The following MCTP2 variants were observed in gnomAD, a reference collection of about 807,000 sequenced individuals.
MCTP2 encodes multiple C2 and transmembrane domain containing 2.
MCTP2 carries 132 observed loss-of-function variants against 111.6 expected under a neutral mutation model. The ratio of observed to expected loss-of-function variants is 1.18; its 90% confidence interval spans 1.03 to 1.37. The LOEUF (loss-of-function observed/expected upper bound fraction) is 1.37, where lower values mean the gene tolerates loss of function less well. Ranked by LOEUF, MCTP2 falls within the 40% of genes most tolerant of loss-of-function variation. The pLI is 0.00. For synonymous variants in MCTP2, 395 were observed against 387.7 expected (o/e 1.02, Z -0.22); for missense variants, 1,183 against 1,067.9 (o/e 1.11, Z -1.50).
At chr15:94,440,337 G>A (rs1182133843) in intron 18 of MCTP2, 39 bp downstream of exon 18, 2 of 1,610,530 alleles carry the variant, frequency 1.2e-6, no homozygotes, top group Non-Finnish European at 1.7e-6. Flanking sequence ...TGACTGCCGA[G>A]AAATGTGTTA....
At chr15:94,249,807 C>G (rs2072282632) in intron 1 of MCTP2, among the ~76,000 whole-genome samples, 1 of 152,078 alleles carries the variant, frequency 6.6e-6, no homozygotes. Flanking sequence ...TTAATAACAG[C>G]TCTTCAGGTA....
At chr15:94,261,968 C>A (rs2073212025) in intron 1 of MCTP2, among the ~76,000 whole-genome samples, 1 of 152,034 alleles carries the variant, frequency 6.6e-6, no homozygotes, top group African/African-American at 2.4e-5. Context: ...ACATTAATTT[C>A]TTGTATATTG....
In MCTP2 at chr15:94,345,205, A is replaced by G. The variant is rs1567481222; in HGVS notation, c.1005+41A>G. ...TTTCCTTTAGATCATTTGGTTAAAAACTTTGTCTTTGTAGCAAACAAAAAT... is the reference window on the plus strand; with the variant it reads ...TTTCCTTTAGATCATTTGGTTAAAAGCTTTGTCTTTGTAGCAAACAAAAAT... On this transcript the variant is annotated intron_variant, in intron 8 of 22. Coordinates refer to ENST00000357742, the MANE Select transcript of MCTP2 (RefSeq NM_001385001.1). 3 of 1,587,728 alleles carry G rather than the reference A, an allele frequency of 1.9e-6. No homozygotes were observed. In the South Asian group the frequency reaches 3.4e-5, roughly 18 times the overall value.
At chr15:94,233,151 G>A (rs1460345111) in intron 1 of MCTP2, among the ~76,000 whole-genome samples, 1 of 152,090 alleles carries the variant, frequency 6.6e-6, no homozygotes, top group Non-Finnish European at 1.5e-5. Flanking sequence ...ATCTCCTGGG[G>A]ATTAATGGAG....
chr15:94,245,371 T>G (rs897279528), intron 1 of MCTP2, among the ~76,000 whole-genome samples: 7 of 136,878 alleles, frequency 5.1e-5, no homozygotes, highest in Admixed American at 4.5e-4. Flanking sequence ...TATATTTACA[T>G]ACATATGTAT....
intron 1 of MCTP2, among the ~76,000 whole-genome samples, chr15:94,289,711 A>C (rs759716954): frequency 9.9e-5 from 15 of 152,178 alleles, no homozygotes; most frequent in Non-Finnish European, 1.8e-4. Context: ...CTTATGTATT[A>C]TTATATTATG....
Position 94,442,923 on chromosome 15 carries a change from G to A in MCTP2, c.2213G>A (p.Ser738Asn). The change falls in exon 19 of 23, where the codon AGC (serine) becomes AAC (asparagine). Residue 738 changes from serine (S) to asparagine (N), a missense_variant. Coordinates refer to ENST00000357742, the MANE Select transcript of MCTP2 (RefSeq NM_001385001.1). The stretch of plus-strand genomic sequence containing the variant: ...ACACGTGGGATTTCCTTTCAGGAGA[G>A]CACAGACATAGATGACGAGGAGGAT... ...KVSSIQDSQE[S>N]TDIDDEEDED... is the part of the protein sequence containing the mutation. The A allele has an allele frequency of 6.2e-7, 1 of 1,613,282 alleles. No individual in the cohort carries two copies.
chr15:94,340,470 G>A (rs909296141), intron 6 of MCTP2, among the ~76,000 whole-genome samples, 195 bp downstream of exon 6: 4 of 152,112 alleles, frequency 2.6e-5, no homozygotes, highest in African/African-American at 7.2e-5. Context: ...TTAGTCAGAT[G>A]TTAAGTATTT....
intron 17 of MCTP2, among the ~76,000 whole-genome samples, chr15:94,422,835 C>G (rs1011445815): frequency 6.6e-6 from 1 of 152,110 alleles, no homozygotes; most frequent in South Asian, 2.1e-4. Context: ...TTCCTCCTTC[C>G]CACTAAACTA....
intron 1 of MCTP2, among the ~76,000 whole-genome samples, chr15:94,252,931 C>G (rs1166877644): frequency 6.6e-6 from 1 of 152,064 alleles, no homozygotes; most frequent in East Asian, 1.9e-4. Context: ...TTTATCTTAT[C>G]TCTTGTCATA....
chr15:94,473,932 A>G (rs1185431941), intron 21 of MCTP2, among the ~76,000 whole-genome samples: 1 of 145,982 alleles, frequency 6.9e-6, no homozygotes, highest in Non-Finnish European at 1.5e-5. Flanking sequence ...CAATTTTTCC[A>G]TCTCTTCTGA....
At chr15:94,285,057 A>G (rs1327388091) in intron 1 of MCTP2, among the ~76,000 whole-genome samples, 2 of 152,170 alleles carry the variant, frequency 1.3e-5, no homozygotes, top group African/African-American at 2.4e-5. Flanking sequence ...TCCTACAGCT[A>G]TGATTTACCA....
intron 1 of MCTP2, among the ~76,000 whole-genome samples, chr15:94,235,333 C>T (rs374224496): frequency 7.2e-5 from 11 of 152,178 alleles, no homozygotes; most frequent in African/African-American, 1.7e-4. Flanking sequence ...GCAGCACCTA[C>T]GTACCTGAGA....
chr15:94,311,186 G>A (rs1287735902), intron 2 of MCTP2, among the ~76,000 whole-genome samples: 1 of 151,462 alleles, frequency 6.6e-6, no homozygotes, highest in Admixed American at 6.6e-5. Context: ...CACCACACCC[G>A]GCTAATTTTT....
chr15:94,441,580 A>G (rs894481949), intron 18 of MCTP2, among the ~76,000 whole-genome samples: 10 of 152,246 alleles, frequency 6.6e-5, no homozygotes, highest in Admixed American at 5.2e-4. Context: ...CTATATGCAC[A>G]TAAGTGTGTA....
chr15:94,390,090 G>GTATATATA (rs1168909587), intron 14 of MCTP2, among the ~76,000 whole-genome samples: 1 of 64,922 alleles, frequency 1.5e-5, no homozygotes, highest in Non-Finnish European at 3.7e-5. Flanking sequence ...ATATATATAT[G>GTATATATA]TATATATATA....
chr15:94,410,045 G>GA (rs1420251277), intron 17 of MCTP2, among the ~76,000 whole-genome samples: 2 of 151,842 alleles, frequency 1.3e-5, no homozygotes, highest in Non-Finnish European at 2.9e-5. Flanking sequence ...CATATCATAA[G>GA]AAAAAATGTG....
chr15:94,377,378 A>G (rs1222290677), intron 12 of MCTP2, among the ~76,000 whole-genome samples: 1 of 152,234 alleles, frequency 6.6e-6, no homozygotes, highest in Non-Finnish European at 1.5e-5. Flanking sequence ...TGAAAAACAC[A>G]TTAAAAACTA....
intron 6 of MCTP2, among the ~76,000 whole-genome samples, chr15:94,340,535 A>T (rs905068584): frequency 6.6e-6 from 1 of 152,202 alleles, no homozygotes. Flanking sequence ...GTTAATATTC[A>T]GTTTCATTAA....
Sources: allele counts gnomAD v4.1 joint callset (sites outside exome capture counted in the v4.1 genomes callset), GRCh38; gene constraint gnomAD v4.1.1; transcripts MANE v1.5; gene names NCBI Gene and HGNC (gene_info 2026-07-23, HGNC 2026-07-21).